The following SORCS3 variants were observed in gnomAD, a reference collection of about 807,000 sequenced individuals.
The protein encoded by SORCS3 is sortilin related VPS10 domain containing receptor 3, also known as VPS10 domain-containing receptor SorCS3.
Under a neutral mutation model 146.3 loss-of-function variants are expected in SORCS3, and 57 were observed. The observed-to-expected ratio is 0.39, with a 90% CI of 0.31 to 0.49. SORCS3 has a LOEUF of 0.49. Among genes scored for constraint, SORCS3 ranks in the 20% least tolerant of loss-of-function variants. SORCS3 has a pLI of 0.92. For missense variants in SORCS3, 1,341 were observed against 1,575.5 expected (o/e 0.85, Z 2.52); for synonymous variants, 653 against 618.5 (o/e 1.06, Z -0.83).
chr10:104,721,378 A>G (rs926661916), intron 1 of SORCS3, among the ~76,000 whole-genome samples: 1 of 152,218 alleles, frequency 6.6e-6, no homozygotes, highest in Non-Finnish European at 1.5e-5. Flanking sequence ...TGGTTACTGT[A>G]GCCTTGTAGT....
At chr10:104,800,672 A>G (rs572786532) in intron 1 of SORCS3, among the ~76,000 whole-genome samples, 1 of 152,304 alleles carries the variant, frequency 6.6e-6, no homozygotes, top group South Asian at 2.1e-4. Flanking sequence ...TTTATCTGAA[A>G]ATAGTAATAA....
chr10:104,775,845 C>T (rs1398443916), intron 1 of SORCS3, among the ~76,000 whole-genome samples: 1 of 152,190 alleles, frequency 6.6e-6, no homozygotes, highest in Non-Finnish European at 1.5e-5. Context: ...ACAAAGCATG[C>T]TTACTTGAAT....
At chr10:105,013,982 G>GACACACAC (rs71952036) in intron 4 of SORCS3, among the ~76,000 whole-genome samples, 4 of 144,660 alleles carry the variant, frequency 2.8e-5, no homozygotes, top group South Asian at 2.2e-4. Context: ...CAGACACACA[G>GACACACAC]ACACACACAC....
intron 16 of SORCS3, among the ~76,000 whole-genome samples, chr10:105,202,988 A>C (rs1209906121): frequency 1.3e-5 from 2 of 152,206 alleles, no homozygotes; most frequent in African/African-American, 4.8e-5. Flanking sequence ...AGTCAAAGTA[A>C]GTCCAAGTGG....
chr10:104,766,349 C>G (rs151259535), intron 1 of SORCS3, among the ~76,000 whole-genome samples: 125 of 152,356 alleles, frequency 8.2e-4, no homozygotes, highest in African/African-American at 2.9e-3. Flanking sequence ...GAAGCCTTCA[C>G]TCTCACTCCC....
intron 1 of SORCS3, among the ~76,000 whole-genome samples, chr10:104,833,765 G>A (rs1197385731): frequency 6.6e-6 from 1 of 152,108 alleles, no homozygotes; most frequent in African/African-American, 2.4e-5. Flanking sequence ...TCCAATCACT[G>A]ACAGCTCCCA....
chr10:105,038,793 G>A (rs1198026321), intron 4 of SORCS3, among the ~76,000 whole-genome samples: 1 of 152,080 alleles, frequency 6.6e-6, no homozygotes, highest in Non-Finnish European at 1.5e-5. Context: ...ATAATGTCAT[G>A]AGAATTTTAA....
intron 1 of SORCS3, among the ~76,000 whole-genome samples, chr10:104,659,882 T>G (rs551538559): frequency 3.3e-5 from 5 of 152,148 alleles, no homozygotes; most frequent in Non-Finnish European, 7.3e-5. Flanking sequence ...AGGGTGTGTA[T>G]TTTTTAAGAG....
At chr10:104,916,471 A>G (rs551098859) in intron 3 of SORCS3, among the ~76,000 whole-genome samples, 1 of 152,314 alleles carries the variant, frequency 6.6e-6, no homozygotes, top group African/African-American at 2.4e-5. Context: ...GGCAGAGGGC[A>G]GACCAGACTC....
chr10:105,156,928 A>G (rs2056214385), intron 9 of SORCS3, among the ~76,000 whole-genome samples: 1 of 152,070 alleles, frequency 6.6e-6, no homozygotes, highest in South Asian at 2.1e-4. Context: ...ATAGAAAGGG[A>G]CATCTAGGGG....
In SORCS3 at chr10:104,641,739, A is replaced by G; in HGVS notation, c.412A>G (p.Ile138Val). The change falls in exon 1 of 27, where the codon ATC (isoleucine) becomes GTC (valine). Residue 138 changes from isoleucine (I) to valine (V), a missense_variant. By Grantham distance (29) the Ile-to-Val change is conservative. Transcript: ENST00000369701. This position sits in a 1 kb window ranked among gnomAD's most constrained non-coding sequence, Gnocchi z 6.4. ...GAGGAGTCGCCGGGCGCAGCCCCCA[A>G]TCACCCAGGAACGCGGGGACGCCTG... is the stretch of plus-strand genomic sequence containing the variant. ...ARRSRRAQPP[I>V]TQERGDAWAT... 1.9e-6 allele frequency: 3 copies of G among 1,545,034 alleles called. No individual in the cohort carries two copies. The highest frequency in any genetic ancestry group is 2.4e-5 in the South Asian group (2 of 83,812).
intron 3 of SORCS3, among the ~76,000 whole-genome samples, chr10:104,926,572 G>A (rs780791266): frequency 6.6e-6 from 1 of 152,172 alleles, no homozygotes; most frequent in Non-Finnish European, 1.5e-5. Flanking sequence ...ATCCCATTAG[G>A]GCTAAGAAAG....
intron 1 of SORCS3, among the ~76,000 whole-genome samples, chr10:104,769,587 C>T (rs370297869): frequency 3.2e-4 from 48 of 152,224 alleles, no homozygotes; most frequent in African/African-American, 9.6e-4. Context: ...GTTCTGGTAC[C>T]TAAAGGGAGG....
chr10:105,051,114 G>A (rs1211388492), intron 5 of SORCS3, among the ~76,000 whole-genome samples: 1 of 152,062 alleles, frequency 6.6e-6, no homozygotes, highest in Non-Finnish European at 1.5e-5. Flanking sequence ...TTTGATGGCA[G>A]GATTGCATTT....
intron 4 of SORCS3, among the ~76,000 whole-genome samples, chr10:104,985,332 A>C (rs936317585): frequency 1.3e-5 from 2 of 152,156 alleles, no homozygotes; most frequent in Non-Finnish European, 1.5e-5. Context: ...TTATCTGTTC[A>C]AGTTTTATCA....
chr10:105,143,771 C>T (rs1018230263), intron 8 of SORCS3, among the ~76,000 whole-genome samples: 18 of 152,046 alleles, frequency 1.2e-4, no homozygotes, highest in Middle Eastern at 3.2e-3. Flanking sequence ...TCATAAATCA[C>T]GTTATCTGAG....
At chr10:105,096,232 T>C (rs2055746056) in intron 6 of SORCS3, among the ~76,000 whole-genome samples, 1 of 152,116 alleles carries the variant, frequency 6.6e-6, no homozygotes, top group Non-Finnish European at 1.5e-5. Flanking sequence ...GCATTGGCCT[T>C]TTATAAAGTT....
Position 104,641,820 on chromosome 10 carries a change from C to G in SORCS3, c.493C>G (p.Arg165Gly), listed in dbSNP as rs749687977. 1.3e-6 allele frequency: 2 copies of G among 1,556,204 alleles called. No homozygotes were observed. Among genetic ancestry groups the G allele is most frequent in the Admixed American group, 3.8e-5 (2 of 52,106 alleles). Residue 165 changes from arginine (R) to glycine (G), a missense_variant, in exon 1 of 27, where the codon CGG becomes GGG. Coordinates refer to ENST00000369701, the MANE Select transcript of SORCS3 (RefSeq NM_014978.3). The surrounding 1 kb of genome is among the most constrained non-coding windows in gnomAD (Gnocchi z 6.4). The stretch of plus-strand genomic sequence containing the variant: ...AAGCCGTCCCCTTGCTAAGGGTTCC[C>G]GGGAGGAGGTGAAGGCGCCGCGGGC... Reference protein sequence around the residue: ...RGSRPLAKGSREEVKAPRAGG... With the variant: ...RGSRPLAKGSGEEVKAPRAGG...
intron 4 of SORCS3, among the ~76,000 whole-genome samples, chr10:104,997,587 G>A (rs1046420368): frequency 2.0e-5 from 3 of 152,138 alleles, no homozygotes; most frequent in African/African-American, 7.2e-5. Context: ...AGGGATTGAG[G>A]GTGAGGAAGA....
Sources: allele counts gnomAD v4.1 joint callset (sites outside exome capture counted in the v4.1 genomes callset), GRCh38; gene constraint gnomAD v4.1.1; non-coding constraint Gnocchi (gnomAD v3.1); transcripts MANE v1.5; gene names NCBI Gene and HGNC (gene_info 2026-07-23, HGNC 2026-07-21).